The following TAFA2 variants were observed in gnomAD, a reference collection of about 807,000 sequenced individuals.
TAFA2 encodes chemokine-like protein TAFA-2.
TAFA2 carries 7 observed loss-of-function variants against 18.8 expected under a neutral mutation model. That is an observed-to-expected ratio of 0.37 (90% confidence interval 0.21 to 0.70). The LOEUF (loss-of-function observed/expected upper bound fraction) is 0.70. TAFA2 is among the 30% of genes least tolerant of loss of function. TAFA2 has a pLI of 0.53. For synonymous variants in TAFA2, 60 were observed against 54.2 expected (o/e 1.11, Z -0.47); for missense variants, 122 against 158.1 (o/e 0.77, Z 1.23).
chr12:61,745,706 ACACTAATCTAAG>A (rs557784514), intron 4 of TAFA2, among the ~76,000 whole-genome samples: 136 of 152,094 alleles, frequency 8.9e-4, no homozygotes, highest in Non-Finnish European at 1.8e-3. Context: ...ATTCAAACAA[ACACTAATCTAAG>A]CACTGCTATA....
Position 61,867,338 on chromosome 12 carries a change from T to C in TAFA2, c.88A>G (p.Ser30Gly). ...AGCTTACCTTTATGATGGTTTGCAC[T>C]GGATACAACTTTCCCCCACAAGGTT... is the stretch of plus-strand genomic sequence containing the variant. Reference protein sequence around the residue: ...IVTLWGKVVSSANHHKAHHVK... With the variant: ...IVTLWGKVVSGANHHKAHHVK... Residue 30 changes from serine to glycine, a missense_variant, in exon 2 of 5, where the codon AGT becomes GGT. This residue lies in a region of TAFA2 where 62 missense variants were observed against 55.5 expected (regional missense o/e 1.12). Transcript: ENST00000416284. 1 of 1,600,936 alleles carries C rather than the reference T, an allele frequency of 6.2e-7. No individual in the cohort carries two copies. Among genetic ancestry groups the C allele is most frequent in the Non-Finnish European group, 8.5e-7 (1 of 1,172,626 alleles).
At chr12:62,062,471 T>C (rs1035001561) in intron 1 of TAFA2, among the ~76,000 whole-genome samples, 7 of 152,084 alleles carry the variant, frequency 4.6e-5, no homozygotes, top group African/African-American at 1.2e-4. Flanking sequence ...GAGTCAGTAG[T>C]ACAGACGCCA....
At chr12:61,865,650 C>T (rs1208838826) in intron 2 of TAFA2, among the ~76,000 whole-genome samples, 1 of 152,176 alleles carries the variant, frequency 6.6e-6, no homozygotes, top group African/African-American at 2.4e-5. Flanking sequence ...TAGCATAGAA[C>T]ATAACACTAT....
intron 1 of TAFA2, among the ~76,000 whole-genome samples, chr12:62,095,762 C>T (rs1042124349): frequency 6.6e-6 from 1 of 152,058 alleles, no homozygotes; most frequent in African/African-American, 2.4e-5. Flanking sequence ...GCTTGCATTG[C>T]TTATTTTCTG....
chr12:61,717,745 C>G (rs1330882841), intron 4 of TAFA2, among the ~76,000 whole-genome samples: 1 of 152,114 alleles, frequency 6.6e-6, no homozygotes, highest in Non-Finnish European at 1.5e-5. Flanking sequence ...TTCTAGACTT[C>G]TGGAAAGAAA....
At chr12:61,827,035 C>T (rs985678520) in intron 2 of TAFA2, 1 of 152,066 alleles carries the variant, frequency 6.6e-6, no homozygotes, top group African/African-American at 2.4e-5. Context: ...CATATAACCA[C>T]TTACAATACA....
In TAFA2 at chr12:61,984,000, G is replaced by C. The variant is rs148847803; in HGVS notation, c.-1-116574C>G. On this transcript the variant is annotated intron_variant, in intron 1 of 4. Coordinates refer to ENST00000416284, the MANE Select transcript of TAFA2 (RefSeq NM_178539.5). ...CCTTGTTCAAGTATCAATGTAAAGAGAGCTCTCTCCTACCACCCTATGTAA... is the reference window on the plus strand; with the variant it reads ...CCTTGTTCAAGTATCAATGTAAAGACAGCTCTCTCCTACCACCCTATGTAA... Among the ~76,000 whole-genome samples the C allele has an allele frequency of 2.2e-3, 338 of 152,122 alleles. 3 individuals carry two copies. Among genetic ancestry groups the C allele is most frequent in the African/African-American group, 7.7e-3 (319 of 41,496 alleles).
intron 1 of TAFA2, among the ~76,000 whole-genome samples, chr12:62,240,341 C>T (rs985622152): frequency 2.6e-5 from 4 of 151,560 alleles, no homozygotes; most frequent in Admixed American, 1.3e-4. Flanking sequence ...ATCTCTTAAA[C>T]CCAGGAGGCA....
At chr12:61,973,680 T>C (rs891266243) in intron 1 of TAFA2, among the ~76,000 whole-genome samples, 5 of 151,698 alleles carry the variant, frequency 3.3e-5, no homozygotes, top group Non-Finnish European at 7.4e-5. Flanking sequence ...AACTACTGTG[T>C]TAACATAGAA....
At chr12:61,776,988 A>T (rs919935809) in intron 2 of TAFA2, among the ~76,000 whole-genome samples, 1 of 151,898 alleles carries the variant, frequency 6.6e-6, no homozygotes, top group African/African-American at 2.4e-5. Flanking sequence ...AAATGTAGTT[A>T]GTAAGTGGAT....
intron 4 of TAFA2, among the ~76,000 whole-genome samples, chr12:61,714,223 C>T (rs546319408): frequency 2.9e-4 from 44 of 152,210 alleles, no homozygotes; most frequent in African/African-American, 9.9e-4. Context: ...GAGCTTCATG[C>T]GCTATAATCA....
intron 1 of TAFA2, among the ~76,000 whole-genome samples, chr12:61,986,067 G>C (rs1481499013): frequency 6.6e-6 from 1 of 150,790 alleles, no homozygotes; most frequent in Non-Finnish European, 1.5e-5. Context: ...ATGCTAAGTA[G>C]CTCTGTGCCC....
At chr12:61,829,476 T>C (rs1367591914) in intron 2 of TAFA2, among the ~76,000 whole-genome samples, 1 of 151,796 alleles carries the variant, frequency 6.6e-6, no homozygotes, top group Non-Finnish European at 1.5e-5. Flanking sequence ...ATACTTTATA[T>C]ATTGAACAAT....
At chr12:62,050,922 C>T (rs934618208) in intron 1 of TAFA2, among the ~76,000 whole-genome samples, 3 of 152,180 alleles carry the variant, frequency 2.0e-5, no homozygotes, top group Non-Finnish European at 4.4e-5. Flanking sequence ...CACATTACTA[C>T]TCTAAGCATC....
intron 2 of TAFA2, among the ~76,000 whole-genome samples, chr12:61,846,001 T>A (rs1309741389): frequency 6.6e-6 from 1 of 152,188 alleles, no homozygotes; most frequent in African/African-American, 2.4e-5. Flanking sequence ...AATAAGCTTT[T>A]ATTCAGCTTT....
intron 1 of TAFA2, among the ~76,000 whole-genome samples, chr12:61,877,920 T>TACACACACAC (rs1291038538): frequency 1.4e-3 from 197 of 141,610 alleles, no homozygotes; most frequent in East Asian, 4.6e-3. Context: ...TATATATATA[T>TACACACACAC]ATATACACAC....
chr12:62,038,798 C>T (rs1881680479), intron 1 of TAFA2, among the ~76,000 whole-genome samples: 1 of 152,096 alleles, frequency 6.6e-6, no homozygotes. Context: ...AATGCATGTT[C>T]CTCTCACCCA....
chr12:61,727,318 A>G (rs1326206103), intron 4 of TAFA2, among the ~76,000 whole-genome samples: 1 of 150,342 alleles, frequency 6.7e-6, no homozygotes, highest in Non-Finnish European at 1.5e-5. Flanking sequence ...TCTTTGTTTT[A>G]TAAATTCAGC....
chr12:61,899,732 A>C (rs1469047396), intron 1 of TAFA2, among the ~76,000 whole-genome samples: 1 of 152,198 alleles, frequency 6.6e-6, no homozygotes, highest in Non-Finnish European at 1.5e-5. Flanking sequence ...ACCGTGGATC[A>C]AAAATATTCA....
Sources: allele counts gnomAD v4.1 joint callset (sites outside exome capture counted in the v4.1 genomes callset), GRCh38; gene constraint gnomAD v4.1.1; regional missense constraint gnomAD v4.1.1; transcripts MANE v1.5; gene names NCBI Gene and HGNC (gene_info 2026-07-23, HGNC 2026-07-21).